BCAS3: variants seen among roughly 807,000 people sequenced by gnomAD.
BCAS3 encodes the protein BCAS3 microtubule associated cell migration factor, also known as BCAS4/BCAS3 fusion.
A neutral mutation model predicts 116.1 loss-of-function variants in BCAS3; 53 were observed. That is an observed-to-expected ratio of 0.46 (90% CI 0.37 to 0.57). The LOEUF is 0.57. Ranked by LOEUF, BCAS3 falls within the 20% of genes least tolerant of loss-of-function variation. The pLI, the probability that BCAS3 is intolerant of heterozygous loss-of-function variation, is 0.00. For synonymous variants in BCAS3, 391 were observed against 408.2 expected (o/e 0.96, Z 0.51); for missense variants, 917 against 1,165.4 (o/e 0.79, Z 3.10).
intron 14 of BCAS3, among the ~76,000 whole-genome samples, chr17:60,968,998 G>C (rs532336367): frequency 5.5e-5 from 8 of 145,022 alleles, no homozygotes; most frequent in East Asian, 2.0e-4. Context: ...CCATGAGTTG[G>C]GGGGGGAGAT....
rs2078178324 is a variant in BCAS3 at position 61,161,730 on chromosome 17, T to C, written c.2425+77166T>C. Among the ~76,000 whole-genome samples, 1 of 152,108 alleles carries C rather than the reference T, an allele frequency of 6.6e-6. No individual in the cohort carries two copies. Among genetic ancestry groups the C allele is most frequent in the Non-Finnish European group, 1.5e-5 (1 of 68,028 alleles). The stretch of plus-strand genomic sequence containing the variant: ...CCAGCGCCCCTCCCCTCAGCACACA[T>C]ACCAGCCCCCGCAATTCCAGTTTCA... On this transcript the variant is annotated intron_variant, in intron 22 of 23. Transcript: ENST00000407086. The surrounding 1 kb of genome is among the most constrained non-coding windows in gnomAD (Gnocchi z 4.8).
At chr17:60,754,977 A>T (rs2042869053) in intron 6 of BCAS3, among the ~76,000 whole-genome samples, 1 of 152,194 alleles carries the variant, frequency 6.6e-6, no homozygotes, top group South Asian at 2.1e-4. Flanking sequence ...ACTACTTGTG[A>T]TCATTTAGGT....
intron 22 of BCAS3, among the ~76,000 whole-genome samples, chr17:61,158,739 C>T (rs1380840789): frequency 6.6e-6 from 1 of 152,002 alleles, no homozygotes. Flanking sequence ...AATTTGATTT[C>T]GATTTCATTG....
chr17:61,019,310 A>G lies in BCAS3; in HGVS notation c.1637+3409A>G, dbSNP rs1377542206. Among the ~76,000 whole-genome samples, 1 of 152,200 alleles carries G rather than the reference A, an allele frequency of 6.6e-6. No individual in the cohort carries two copies. The highest frequency in any genetic ancestry group is 1.5e-5 in the Non-Finnish European group (1 of 68,036). Reference sequence around the variant, plus strand: ...TGAGAATCTAATGCCTCATGATCTGAAGTGAAACTTCCATGAAACCTATTC... The same window carrying G: ...TGAGAATCTAATGCCTCATGATCTGGAGTGAAACTTCCATGAAACCTATTC... On this transcript the variant is annotated intron_variant, in intron 16 of 23. Coordinates refer to ENST00000407086, the MANE Select transcript of BCAS3 (RefSeq NM_017679.5). The surrounding 1 kb of genome is among the most constrained non-coding windows in gnomAD (Gnocchi z 5.6).
intron 7 of BCAS3, among the ~76,000 whole-genome samples, chr17:60,820,277 C>G (rs1378376894): frequency 6.6e-6 from 1 of 151,932 alleles, no homozygotes; most frequent in Non-Finnish European, 1.5e-5. Flanking sequence ...GATCTCCTGA[C>G]CTTGTGATCT....
intron 4 of BCAS3, among the ~76,000 whole-genome samples, chr17:60,694,943 T>C (rs142805620): frequency 2.0e-4 from 30 of 152,208 alleles, no homozygotes; most frequent in African/African-American, 6.3e-4. Flanking sequence ...TTTCTGTTTC[T>C]ATGATTTTTA....
intron 22 of BCAS3, among the ~76,000 whole-genome samples, chr17:61,247,865 G>C (rs898123514): frequency 6.6e-6 from 1 of 152,182 alleles, no homozygotes; most frequent in Non-Finnish European, 1.5e-5. Flanking sequence ...GTAAACTGCA[G>C]TCCTCTTGGG....
At position 61,186,427 on chromosome 17, in the gene BCAS3, T is replaced by C. The variant is rs960879596; in HGVS notation, c.2425+101863T>C. Among the ~76,000 whole-genome samples, 1 of 152,226 alleles carries C rather than the reference T, an allele frequency of 6.6e-6. No homozygotes were observed. Among genetic ancestry groups the C allele is most frequent in the African/African-American group, 2.4e-5 (1 of 41,466 alleles). The stretch of plus-strand genomic sequence containing the variant: ...TATTACAATTATCTATCCTTTTATC[T>C]TAGCTCTGTTTTCAGTGGTATACAC... On this transcript the variant is annotated intron_variant, in intron 22 of 23. Transcript: ENST00000407086. This position sits in a 1 kb window ranked among gnomAD's most constrained non-coding sequence, Gnocchi z 4.9.
intron 7 of BCAS3, among the ~76,000 whole-genome samples, chr17:60,824,128 A>T (rs2050184183): frequency 6.6e-6 from 1 of 152,174 alleles, no homozygotes; most frequent in Non-Finnish European, 1.5e-5. Context: ...TATATAATTC[A>T]TTACAGTTTT....
At position 60,994,328 on chromosome 17, in the gene BCAS3, ACTTCAGTATAGTTCATTTT is replaced by A. The variant is rs1192582268; in HGVS notation, c.1486+4097_1486+4115del. ...TTATTTTTAATATATTGATAACTGT[ACTTCAGTATAGTTCATTTT>A]CTTTGTAATTATATGTCTTTTTCCC... is the stretch of plus-strand genomic sequence containing the variant. On this transcript the variant is annotated intron_variant, in intron 15 of 23. Transcript: ENST00000407086. This position sits in a 1 kb window ranked among gnomAD's most constrained non-coding sequence, Gnocchi z 4.4. 6.6e-6 allele frequency among the ~76,000 whole-genome samples: 1 copy of A among 152,010 alleles called. No homozygotes were observed. Among genetic ancestry groups the A allele is most frequent in the African/African-American group, 2.4e-5 (1 of 41,402 alleles).
intron 4 of BCAS3, among the ~76,000 whole-genome samples, chr17:60,708,839 A>G (rs1440267921): frequency 6.6e-6 from 1 of 152,020 alleles, no homozygotes; most frequent in Non-Finnish European, 1.5e-5. Flanking sequence ...ATTTATTTGA[A>G]ATAGAGACAG....
chr17:61,005,921 A>G (rs1289195541), intron 15 of BCAS3, among the ~76,000 whole-genome samples: 1 of 151,808 alleles, frequency 6.6e-6, no homozygotes, highest in African/African-American at 2.4e-5. Context: ...AGCATTAGGT[A>G]TATCTCCCAG....
intron 18 of BCAS3, among the ~76,000 whole-genome samples, 187 bp downstream of exon 18, chr17:61,038,241 C>T (rs1196854468): frequency 6.6e-6 from 1 of 151,960 alleles, no homozygotes; most frequent in African/African-American, 2.4e-5. Context: ...TCTTTCACCC[C>T]CTTTGTCTCT....
chr17:60,896,658 G>T, intron 10 of BCAS3, among the ~76,000 whole-genome samples: 1 of 149,424 alleles, frequency 6.7e-6, no homozygotes. Context: ...TTCACTTTTG[G>T]TTTCCATTTG....
At chr17:60,735,940 C>T (rs2040910319) in intron 5 of BCAS3, among the ~76,000 whole-genome samples, 1 of 152,034 alleles carries the variant, frequency 6.6e-6, no homozygotes, top group Non-Finnish European at 1.5e-5. Flanking sequence ...TTAAGTGAGC[C>T]ATTAAGTGAG....
At chr17:60,857,637 T>C (rs1358143545) in intron 7 of BCAS3, among the ~76,000 whole-genome samples, 1 of 152,072 alleles carries the variant, frequency 6.6e-6, no homozygotes, top group Non-Finnish European at 1.5e-5. Context: ...ATGAGGAAAA[T>C]TAAGATTGTC....
intron 4 of BCAS3, chr17:60,696,754 G>A (rs1216371388): frequency 2.6e-5 from 4 of 152,334 alleles, no homozygotes; most frequent in African/African-American, 9.6e-5. Flanking sequence ...CTCCTTAGCA[G>A]CTGTGCACTG....
intron 4 of BCAS3, among the ~76,000 whole-genome samples, chr17:60,707,175 T>G (rs2037270185): frequency 6.6e-6 from 1 of 151,976 alleles, no homozygotes; most frequent in Non-Finnish European, 1.5e-5. Context: ...GTATTCTCAG[T>G]AGAGACCGGG....
At chr17:60,875,002 T>G (rs2055458332) in intron 9 of BCAS3, among the ~76,000 whole-genome samples, 1 of 152,162 alleles carries the variant, frequency 6.6e-6, no homozygotes, top group Non-Finnish European at 1.5e-5. Context: ...CTTGAGTTTG[T>G]GATTTAGTTT....
Sources: allele counts gnomAD v4.1 joint callset (sites outside exome capture counted in the v4.1 genomes callset), GRCh38; gene constraint gnomAD v4.1.1; non-coding constraint Gnocchi (gnomAD v3.1); transcripts MANE v1.5; gene names NCBI Gene and HGNC (gene_info 2026-07-23, HGNC 2026-07-21).